MARCHF1: variants seen among roughly 807,000 people sequenced by gnomAD.
MARCHF1 encodes membrane associated ring-CH-type finger 1.
Under a neutral mutation model 54.2 loss-of-function variants are expected in MARCHF1, and 40 were observed. That is an observed-to-expected ratio of 0.74 (90% CI 0.57 to 0.96). The LOEUF (loss-of-function observed/expected upper bound fraction) is 0.96, where lower values mean the gene tolerates loss of function less well. Among genes scored for constraint, MARCHF1 ranks in the 40% least tolerant of loss-of-function variants. The pLI is 0.00. For missense variants in MARCHF1, 586 were observed against 656.5 expected (o/e 0.89, Z 1.17); for synonymous variants, 236 against 236.3 (o/e 1.00, Z 0.01).
chr4:164,272,013 T>C (rs377303324), intron 1 of MARCHF1, among the ~76,000 whole-genome samples: 5 of 151,884 alleles, frequency 3.3e-5, no homozygotes, highest in East Asian at 1.9e-4. Flanking sequence ...TAATGACTCA[T>C]AATTATATGA....
chr4:164,210,513 C>T (rs915715813), intron 1 of MARCHF1, among the ~76,000 whole-genome samples: 4 of 152,054 alleles, frequency 2.6e-5, no homozygotes, highest in African/African-American at 9.7e-5. Flanking sequence ...TTGGGTAAGT[C>T]AAGAAAACTG....
At chr4:163,659,873 T>A (rs531913849) in intron 5 of MARCHF1, among the ~76,000 whole-genome samples, 51 of 152,230 alleles carry the variant, frequency 3.4e-4, no homozygotes, top group African/African-American at 1.2e-3. Context: ...CCAGTCAGAA[T>A]GGCGACTATT....
intron 2 of MARCHF1, among the ~76,000 whole-genome samples, chr4:164,089,893 G>T (rs958424880): frequency 6.6e-6 from 1 of 151,680 alleles, no homozygotes; most frequent in Non-Finnish European, 1.5e-5. Context: ...TTTCTTATAT[G>T]TAAATCTGTT....
intron 2 of MARCHF1, among the ~76,000 whole-genome samples, chr4:164,080,684 A>G (rs150269442): frequency 0.055 from 8,252 of 149,434 alleles, 512 homozygotes; most frequent in African/African-American, 0.16. Context: ...ATATATATAT[A>G]TGTGTGTGTA....
At chr4:164,010,372 C>T (rs1238830578) in intron 2 of MARCHF1, among the ~76,000 whole-genome samples, 2 of 151,828 alleles carry the variant, frequency 1.3e-5, no homozygotes, top group African/African-American at 4.8e-5. Flanking sequence ...GCTGGGATTA[C>T]AGGAGTGAGC....
intron 1 of MARCHF1, among the ~76,000 whole-genome samples, chr4:164,332,981 T>G (rs955239957): frequency 6.6e-6 from 1 of 152,134 alleles, no homozygotes; most frequent in Non-Finnish European, 1.5e-5. Flanking sequence ...TATTATGGTA[T>G]TGTTCAATTG....
chr4:164,102,020 G>C (rs1225532100), intron 2 of MARCHF1, among the ~76,000 whole-genome samples: 1 of 104,900 alleles, frequency 9.5e-6, no homozygotes, highest in Admixed American at 1.0e-4. Flanking sequence ...ATCAGCAATG[G>C]AAGATGAAAT....
intron 1 of MARCHF1, among the ~76,000 whole-genome samples, chr4:164,227,001 T>G (rs1732277631): frequency 6.6e-6 from 1 of 152,122 alleles, no homozygotes; most frequent in Non-Finnish European, 1.5e-5. Context: ...CCATTCCACA[T>G]TTTTACAGGC....
chr4:164,370,857 G>A (rs780594574), intron 1 of MARCHF1, among the ~76,000 whole-genome samples: 13 of 151,980 alleles, frequency 8.6e-5, no homozygotes, highest in East Asian at 1.9e-4. Context: ...GCATTGAGCC[G>A]AGATCTTGCC....
At chr4:163,774,079 C>T (rs1747236570) in intron 4 of MARCHF1, among the ~76,000 whole-genome samples, 1 of 152,164 alleles carries the variant, frequency 6.6e-6, no homozygotes, top group South Asian at 2.1e-4. Flanking sequence ...GGACACCCAG[C>T]AGATACTAAA....
intron 5 of MARCHF1, among the ~76,000 whole-genome samples, chr4:163,652,163 T>A (rs1742991330): frequency 1.3e-5 from 2 of 151,964 alleles, no homozygotes; most frequent in South Asian, 4.1e-4. Context: ...TGGGCTTTTT[T>A]AGATGCCTCT....
Position 163,797,554 on chromosome 4 carries a change from A to T in MARCHF1, c.111+56467T>A, listed in dbSNP as rs543899981. On this transcript the variant is annotated intron_variant, in intron 4 of 9. Coordinates refer to ENST00000514618, the MANE Select transcript of MARCHF1 (RefSeq NM_001394959.1). ...CATGTTCATGTTATTCTTAGTTTTAATTAACATCTCTTTTATCATTTACAT... is the reference window on the plus strand; with the variant it reads ...CATGTTCATGTTATTCTTAGTTTTATTTAACATCTCTTTTATCATTTACAT... Among the ~76,000 whole-genome samples the T allele has an allele frequency of 2.0e-5, 3 of 152,108 alleles. 1 individual carries two copies. The South Asian group carries it at 6.2e-4, about 32-fold the overall frequency.
At chr4:164,108,079 A>T (rs1159424765) in intron 2 of MARCHF1, among the ~76,000 whole-genome samples, 1 of 152,104 alleles carries the variant, frequency 6.6e-6, no homozygotes, top group African/African-American at 2.4e-5. Flanking sequence ...AATTTATCAG[A>T]AAGTGATAGA....
intron 1 of MARCHF1, among the ~76,000 whole-genome samples, chr4:164,151,689 G>T (rs552679828): frequency 8.6e-4 from 131 of 152,196 alleles, no homozygotes; most frequent in Admixed American, 1.9e-3. Context: ...GGCACTGACT[G>T]CTAGCCTAAA....
chr4:164,196,372 A>C (rs1227734267), intron 1 of MARCHF1, among the ~76,000 whole-genome samples: 1 of 152,168 alleles, frequency 6.6e-6, no homozygotes, highest in Non-Finnish European at 1.5e-5. Context: ...AAATTCTGAG[A>C]TATTTGAAGC....
At chr4:163,815,984 G>A (rs1271843165) in intron 4 of MARCHF1, among the ~76,000 whole-genome samples, 2 of 152,160 alleles carry the variant, frequency 1.3e-5, no homozygotes, top group African/African-American at 2.4e-5. Flanking sequence ...CAAGGGAAAT[G>A]CACATGTATT....
intron 1 of MARCHF1, among the ~76,000 whole-genome samples, chr4:164,325,618 A>T (rs750146692): frequency 7.2e-5 from 11 of 152,060 alleles, no homozygotes; most frequent in Non-Finnish European, 1.6e-4. Context: ...GACCTTAGTG[A>T]TTCGAGAGGC....
At chr4:163,531,058 T>C (rs1479506624) in intron 9 of MARCHF1, among the ~76,000 whole-genome samples, 1 of 151,786 alleles carries the variant, frequency 6.6e-6, no homozygotes, top group African/African-American at 2.4e-5. Context: ...TACCAAACAT[T>C]TAAAGAAGAA....
intron 1 of MARCHF1, among the ~76,000 whole-genome samples, chr4:164,200,527 C>A (rs1731423593): frequency 6.6e-6 from 1 of 152,088 alleles, no homozygotes; most frequent in Non-Finnish European, 1.5e-5. Context: ...TGTCTTTGTC[C>A]TTTACCATGG....
Sources: allele counts gnomAD v4.1 joint callset (sites outside exome capture counted in the v4.1 genomes callset), GRCh38; gene constraint gnomAD v4.1.1; transcripts MANE v1.5; gene names NCBI Gene and HGNC (gene_info 2026-07-23, HGNC 2026-07-21).